Variants in GRM1 observed in about 807,000 individuals in gnomAD.
GRM1 encodes glutamate metabotropic receptor 1.
GRM1 carries 33 observed loss-of-function variants against 90.9 expected under a neutral mutation model. The observed-to-expected ratio is 0.36, with a 90% CI of 0.28 to 0.49. The LOEUF (loss-of-function observed/expected upper bound fraction) is 0.49, where lower values mean the gene tolerates loss of function less well. GRM1 is among the 20% of genes least tolerant of loss of function. The pLI is 0.99. For missense variants in GRM1, 1,190 were observed against 1,534.3 expected (o/e 0.78, Z 3.75); for synonymous variants, 700 against 613.2 (o/e 1.14, Z -2.09).
At chr6:146,305,425 G>A (rs1483084612) in intron 3 of GRM1, among the ~76,000 whole-genome samples, 1 of 152,160 alleles carries the variant, frequency 6.6e-6, no homozygotes, top group Admixed American at 6.5e-5. Context: ...AAGTTCTTCA[G>A]GGGTGTGGTG....
chr6:146,265,204 T>G (rs577662779), intron 2 of GRM1, among the ~76,000 whole-genome samples: 7 of 152,316 alleles, frequency 4.6e-5, no homozygotes, highest in African/African-American at 1.4e-4. Context: ...TGTAGATTTT[T>G]TACCTTAATA....
chr6:146,246,840 G>A (rs1260019591), intron 2 of GRM1, among the ~76,000 whole-genome samples: 1 of 152,124 alleles, frequency 6.6e-6, no homozygotes, highest in Non-Finnish European at 1.5e-5. Context: ...TGAAAATGGT[G>A]AATTTACAAG....
intron 1 of GRM1, among the ~76,000 whole-genome samples, chr6:146,099,668 G>A (rs1208681269): frequency 6.6e-6 from 1 of 152,032 alleles, no homozygotes; most frequent in Non-Finnish European, 1.5e-5. Context: ...ATTCTTTTGT[G>A]GCTTGTTTTT....
At chr6:146,403,376 GCA>G (rs1777224171) in intron 7 of GRM1, among the ~76,000 whole-genome samples, 1 of 152,032 alleles carries the variant, frequency 6.6e-6, no homozygotes, top group Non-Finnish European at 1.5e-5. Context: ...ATGATATTTT[GCA>G]TGCAAAATTG....
intron 1 of GRM1, among the ~76,000 whole-genome samples, chr6:146,139,287 G>T (rs1221240681): frequency 6.6e-6 from 1 of 152,114 alleles, no homozygotes; most frequent in Non-Finnish European, 1.5e-5. Flanking sequence ...ATGTATTCTG[G>T]AGCCATTGGA....
intron 2 of GRM1, among the ~76,000 whole-genome samples, chr6:146,236,403 T>C (rs1780647004): frequency 6.6e-6 from 1 of 152,154 alleles, no homozygotes; most frequent in Non-Finnish European, 1.5e-5. Context: ...TTTCTTTTAA[T>C]ACCTGTCCTT....
At chr6:146,299,427 A>T (rs1783296969) in intron 2 of GRM1, among the ~76,000 whole-genome samples, 1 of 146,684 alleles carries the variant, frequency 6.8e-6, no homozygotes, top group Admixed American at 6.8e-5. Flanking sequence ...GAAGTTAAAT[A>T]TTTGGATCCT....
chr6:146,240,417 G>A (rs1583209298), intron 2 of GRM1, among the ~76,000 whole-genome samples: 1 of 151,828 alleles, frequency 6.6e-6, no homozygotes, highest in Non-Finnish European at 1.5e-5. Context: ...CAAGGGGTCA[G>A]AGTGGTTACT....
At chr6:146,397,027 T>C (rs1776964921) in intron 6 of GRM1, among the ~76,000 whole-genome samples, 1 of 152,072 alleles carries the variant, frequency 6.6e-6, no homozygotes, top group South Asian at 2.1e-4. Context: ...TGCTAGTACA[T>C]GGGAAGGACA....
At chr6:146,338,893 A>G (rs546599432) in intron 3 of GRM1, among the ~76,000 whole-genome samples, 11 of 151,700 alleles carry the variant, frequency 7.3e-5, no homozygotes, top group African/African-American at 2.7e-4. Flanking sequence ...TCTCTTCTCT[A>G]CTCTGTGTCT....
intron 3 of GRM1, among the ~76,000 whole-genome samples, chr6:146,325,136 C>G (rs1784359320): frequency 6.6e-6 from 1 of 152,162 alleles, no homozygotes; most frequent in Non-Finnish European, 1.5e-5. Context: ...AAGCAATAAT[C>G]AGGCATTACT....
At chr6:146,192,862 G>A (rs1227800945) in intron 2 of GRM1, among the ~76,000 whole-genome samples, 1 of 152,104 alleles carries the variant, frequency 6.6e-6, no homozygotes, top group African/African-American at 2.4e-5. Context: ...TGGACTGTGG[G>A]CTCTAGGTGG....
intron 1 of GRM1, among the ~76,000 whole-genome samples, chr6:146,045,596 T>G (rs1411015552): frequency 2.0e-5 from 3 of 151,914 alleles, no homozygotes; most frequent in Admixed American, 2.0e-4. Flanking sequence ...CAATTCTTAG[T>G]GCCTAGTACT....
intron 5 of GRM1, among the ~76,000 whole-genome samples, chr6:146,377,858 G>A (rs991752538): frequency 2.6e-5 from 4 of 152,162 alleles, no homozygotes; most frequent in Admixed American, 1.3e-4. Flanking sequence ...TTGCTTCAGA[G>A]GGTGCAAGCC....
intron 5 of GRM1, among the ~76,000 whole-genome samples, chr6:146,379,600 G>T (rs542607525): frequency 1.3e-5 from 2 of 152,090 alleles, no homozygotes; most frequent in Non-Finnish European, 1.5e-5. Context: ...TTAATTTAGT[G>T]AGGTCATGTT....
chr6:146,267,180 C>T (rs1046237634), intron 2 of GRM1, among the ~76,000 whole-genome samples: 1 of 152,182 alleles, frequency 6.6e-6, no homozygotes, highest in African/African-American at 2.4e-5. Context: ...GGGATAATGG[C>T]TTCCGGCTCC....
chr6:146,056,761 C>G (rs899725582), intron 1 of GRM1, among the ~76,000 whole-genome samples: 1 of 152,132 alleles, frequency 6.6e-6, no homozygotes, highest in African/African-American at 2.4e-5. Context: ...TATGCGATTT[C>G]TCCAAATATT....
chr6:146,154,045 C>G (rs964683402), intron 1 of GRM1, among the ~76,000 whole-genome samples: 15 of 152,258 alleles, frequency 9.9e-5, no homozygotes, highest in African/African-American at 3.6e-4. Flanking sequence ...GTTTCCTTGT[C>G]TATAAGCTGA....
Position 146,064,748 on chromosome 6 carries a change from G to A in GRM1, c.700+34531G>A, listed in dbSNP as rs372104689. Among the ~76,000 whole-genome samples the A allele has an allele frequency of 2.9e-4, 42 of 145,696 alleles. No homozygotes were observed. In the East Asian group the frequency reaches 7.6e-3, roughly 26 times the overall value. ...GGAGCTTGCAGTGAGCCGAGATCGC[G>A]CCACTGCACTCCAGCCTGGGTGACA... is the stretch of plus-strand genomic sequence containing the variant. On this transcript the variant is annotated intron_variant, in intron 1 of 7. Coordinates refer to ENST00000282753, the MANE Select transcript of GRM1 (RefSeq NM_001278064.2).
Sources: allele counts gnomAD v4.1 joint callset (sites outside exome capture counted in the v4.1 genomes callset), GRCh38; gene constraint gnomAD v4.1.1; transcripts MANE v1.5; gene names NCBI Gene and HGNC (gene_info 2026-07-23, HGNC 2026-07-21).